The following MAPK8IP3 variants were observed in gnomAD, a reference collection of about 807,000 sequenced individuals.
MAPK8IP3 encodes the protein C-Jun-amino-terminal kinase-interacting protein 3.
A neutral mutation model predicts 157.8 loss-of-function variants in MAPK8IP3; 49 were observed. The ratio of observed to expected loss-of-function variants is 0.31; its 90% CI spans 0.25 to 0.39. The LOEUF (loss-of-function observed/expected upper bound fraction) is 0.39, where lower values mean the gene tolerates loss of function less well. MAPK8IP3 is among the 10% of genes least tolerant of loss of function. MAPK8IP3 has a pLI of 1.00. For missense variants in MAPK8IP3, 1,478 were observed against 1,889.4 expected (o/e 0.78, Z 4.04); for synonymous variants, 897 against 777.7 (o/e 1.15, Z -2.55).
intron 8 of MAPK8IP3, chr16:1,752,163 CT>C (rs1271270598): frequency 6.4e-6 from 1 of 156,210 alleles, no homozygotes; most frequent in Non-Finnish European, 1.4e-5. Context: ...CAGCCACCCC[CT>C]GCAGCACCCA....
chr16:1,761,625 G>A (rs1199513946), intron 13 of MAPK8IP3, among the ~76,000 whole-genome samples: 1 of 138,830 alleles, frequency 7.2e-6, no homozygotes, highest in African/African-American at 2.9e-5. Context: ...TTCACAGGCG[G>A]GGCGGCCACC....
intron 4 of MAPK8IP3, among the ~76,000 whole-genome samples, chr16:1,740,248 CCGTT>C (rs1257974898): frequency 2.1e-5 from 3 of 144,704 alleles, no homozygotes; most frequent in East Asian, 2.1e-4. Flanking sequence ...ATCTGTGTGA[CCGTT>C]CGTGTGAGTG....
At chr16:1,757,050 T>C (rs954723639) in intron 8 of MAPK8IP3, among the ~76,000 whole-genome samples, 4 of 152,190 alleles carry the variant, frequency 2.6e-5, no homozygotes, top group Non-Finnish European at 5.9e-5. Flanking sequence ...GAATTGGGAA[T>C]TGCTTTATTA....
chr16:1,764,688 G>A (rs1401464866), intron 19 of MAPK8IP3, among the ~76,000 whole-genome samples: 1 of 152,122 alleles, frequency 6.6e-6, no homozygotes, highest in Non-Finnish European at 1.5e-5. Context: ...GCCTGCACTG[G>A]GCTGCAGGGG....
rs746848863 is a variant in MAPK8IP3 at position 1,768,698 on chromosome 16, C to T, written c.3893-5C>T. On this transcript the variant is annotated splice_polypyrimidine_tract_variant and splice_region_variant and intron_variant, in intron 31 of 31. Coordinates refer to ENST00000610761, the MANE Select transcript of MAPK8IP3 (RefSeq NM_001318852.2). The stretch of plus-strand genomic sequence containing the variant: ...CTGGCCGTCACTCTGCTGCTTTGCC[C>T]GCAGGAGACGGAGAGGACGACGAGA... The T allele has an allele frequency of 4.2e-5, 68 of 1,611,796 alleles. No homozygotes were observed. The highest frequency in any genetic ancestry group is 5.0e-5 in the Non-Finnish European group (59 of 1,179,394).
chr16:1,763,807 CGGGCGGGGCCCCGCAGAGGCG>C lies in MAPK8IP3; in HGVS notation c.2025+33_2025+53del, dbSNP rs776035587. ...AGGTGCGGGCGGGCGCTGCGGGGAC[CGGGCGGGGCCCCGCAGAGGCG>C]GGGCGGGGGTAAGGGGCGGGGCGCT... On this transcript the variant is annotated intron_variant, in intron 17 of 31. Coordinates refer to ENST00000610761, the MANE Select transcript of MAPK8IP3 (RefSeq NM_001318852.2). 1.9e-4 allele frequency: 182 copies of C among 941,942 alleles called. 1 individual carries two copies. The highest frequency in any genetic ancestry group is 2.4e-4 in the Admixed American group (5 of 21,178). The allele number at this position is 941,942 out of a possible 1,614,324, so 58.3% of individuals were successfully genotyped here.
intron 1 of MAPK8IP3, among the ~76,000 whole-genome samples, chr16:1,718,591 C>A (rs1393418879): frequency 2.0e-5 from 3 of 150,890 alleles, no homozygotes; most frequent in African/African-American, 7.3e-5. Flanking sequence ...GTCAGGAGTT[C>A]AAGAGCAGCC....
intron 3 of MAPK8IP3, 71 bp downstream of exon 3, chr16:1,729,279 G>A (rs1162677138): frequency 4.6e-6 from 7 of 1,538,294 alleles, no homozygotes; most frequent in Non-Finnish European, 6.3e-6. Context: ...TGCGACTCTT[G>A]CGGACCGTGG....
rs1567177226 is a variant in MAPK8IP3 at position 1,742,655 on chromosome 16, G to A, written c.603-677G>A. Among the ~76,000 whole-genome samples the A allele has an allele frequency of 6.6e-6, 1 of 152,206 alleles. No homozygotes were observed. Among genetic ancestry groups the A allele is most frequent in the Non-Finnish European group, 1.5e-5 (1 of 68,038 alleles). On this transcript the variant is annotated intron_variant, in intron 4 of 31. Coordinates refer to ENST00000610761, the MANE Select transcript of MAPK8IP3 (RefSeq NM_001318852.2). The surrounding 1 kb of genome is among the most constrained non-coding windows in gnomAD (Gnocchi z 5.0). The stretch of plus-strand genomic sequence containing the variant: ...GGCTGGATTCCCTCTGCTGGCGCCA[G>A]GGGAACAGGCAGGGCTGGCAGTAAC...
intron 12 of MAPK8IP3, among the ~76,000 whole-genome samples, chr16:1,760,777 C>T (rs2041885983): frequency 6.6e-6 from 1 of 152,240 alleles, no homozygotes; most frequent in Non-Finnish European, 1.5e-5. Context: ...TCCCACCATC[C>T]CACTCCTCCA....
intron 16 of MAPK8IP3, 31 bp downstream of exon 16, chr16:1,763,037 T>C (rs1191287886): frequency 1.9e-6 from 3 of 1,611,012 alleles, no homozygotes; most frequent in Non-Finnish European, 2.5e-6. Flanking sequence ...ACTTGTGGCC[T>C]GCAATGGGGT....
rs762970068 is a variant in MAPK8IP3, at chr16:1,763,672, C to T, written c.1914C>T (p.Ser638=). 16 of 1,579,220 alleles carry T rather than the reference C, an allele frequency of 1.0e-5. No homozygotes were observed. The Middle Eastern group carries it at 5.0e-4, about 49-fold the overall frequency. The change falls in exon 17 of 32, where the codon TCC becomes TCT. Residue 638 remains serine, a synonymous_variant. Transcript: ENST00000610761. ...EFFPDDDCTS[S]ARREQKREQY... Reference sequence around the variant, plus strand: ...TTCCACTCAGCGACTGCACGTCCTCCGCCCGTCGAGAGCAGAAGCGCGAGC... The same window carrying T: ...TTCCACTCAGCGACTGCACGTCCTCTGCCCGTCGAGAGCAGAAGCGCGAGC...
At chr16:1,727,737 G>C (rs1365314472) in intron 2 of MAPK8IP3, among the ~76,000 whole-genome samples, 3 of 152,208 alleles carry the variant, frequency 2.0e-5, no homozygotes, top group African/African-American at 7.2e-5. Context: ...CTCGGGGTGA[G>C]ATCCCCGCGC....
Position 1,767,565 on chromosome 16 carries a change from A to G in MAPK8IP3, c.3239A>G (p.Lys1080Arg). Residue 1080 changes from lysine (K) to arginine (R), a missense_variant and splice_region_variant, in exon 27 of 32, where the codon AAG becomes AGG. This residue lies in a region of MAPK8IP3 where 669 missense variants were observed against 759.8 expected (regional missense o/e 0.88). Coordinates refer to ENST00000610761, the MANE Select transcript of MAPK8IP3 (RefSeq NM_001318852.2). ...VIQPKTMQIEKSFDAHPRRES... is the reference protein window; with the variant it reads ...VIQPKTMQIERSFDAHPRRES... ...TGATGGGCAGCCATGACTCCACAGAAGTCATTTGACGCCCACCCGCGGCGG... is the reference window on the plus strand; with the variant it reads ...TGATGGGCAGCCATGACTCCACAGAGGTCATTTGACGCCCACCCGCGGCGG... The G allele has an allele frequency of 1.9e-6, 3 of 1,611,356 alleles. No individual in the cohort carries two copies. The highest frequency in any genetic ancestry group is 2.5e-6 in the Non-Finnish European group (3 of 1,179,330).
chr16:1,741,097 C>G lies in MAPK8IP3; in HGVS notation c.603-2235C>G, dbSNP rs1343872109. 6.6e-6 allele frequency among the ~76,000 whole-genome samples: 1 copy of G among 152,128 alleles called. No homozygotes were observed. Among genetic ancestry groups the G allele is most frequent in the Admixed American group, 6.5e-5 (1 of 15,282 alleles). ...AGGAAGGGCCCCTCTCTGCATCAGT[C>G]GGACCTGGACTCATAGCCCAGCTCC... On this transcript the variant is annotated intron_variant, in intron 4 of 31. Coordinates refer to ENST00000610761, the MANE Select transcript of MAPK8IP3 (RefSeq NM_001318852.2). This position sits in a 1 kb window ranked among gnomAD's most constrained non-coding sequence, Gnocchi z 6.9.
rs2042502750 is a variant in MAPK8IP3 at position 1,769,794 on chromosome 16, C to T, written c.*970C>T. 6.6e-6 allele frequency: 1 copy of T among 152,634 alleles called. No individual in the cohort carries two copies. Among genetic ancestry groups the T allele is most frequent in the Non-Finnish European group, 1.5e-5 (1 of 68,268 alleles). The allele number at this position is 152,634 out of a possible 1,614,324, so 9.5% of individuals were successfully genotyped here. On this transcript the variant is annotated 3_prime_UTR_variant, in exon 32 of 32. Transcript: ENST00000610761. Reference sequence around the variant, plus strand: ...GGCTCCACGGAGCCCAGCTCCCAGACACGCTACTAAGTGCCTAGGGTTGCC... The same window carrying T: ...GGCTCCACGGAGCCCAGCTCCCAGATACGCTACTAAGTGCCTAGGGTTGCC...
chr16:1,712,356 C>T (rs1022214143), intron 1 of MAPK8IP3, among the ~76,000 whole-genome samples: 81 of 152,170 alleles, frequency 5.3e-4, no homozygotes, highest in African/African-American at 1.9e-3. Flanking sequence ...CCATCGCGCC[C>T]GGCCAGCCTC....
In MAPK8IP3 at chr16:1,746,878, C is replaced by T; in HGVS notation, c.748-151C>T. The T allele has an allele frequency of 4.2e-6, 4 of 953,792 alleles. No homozygotes were observed. The South Asian group carries it at 6.9e-5, about 16-fold the overall frequency. The allele number at this position is 953,792 out of a possible 1,614,324, so 59.1% of individuals were successfully genotyped here. A position where few individuals can be genotyped will look rare whatever the true frequency, so the allele number is the denominator to read the frequency against. On this transcript the variant is annotated intron_variant, in intron 5 of 31. Coordinates refer to ENST00000610761, the MANE Select transcript of MAPK8IP3 (RefSeq NM_001318852.2). ...AGTGGTGAGGCCCGGAAGGGTTAGCCCGGTGGGCGGCAGAGGAGCTCTGGC... is the reference window on the plus strand; with the variant it reads ...AGTGGTGAGGCCCGGAAGGGTTAGCTCGGTGGGCGGCAGAGGAGCTCTGGC...
At position 1,761,273 on chromosome 16, in the gene MAPK8IP3, G is replaced by C; in HGVS notation, c.1507G>C (p.Glu503Gln). The C allele has an allele frequency of 1.2e-6, 2 of 1,613,772 alleles. No homozygotes were observed. The highest frequency in any genetic ancestry group is 1.7e-6 in the Non-Finnish European group (2 of 1,180,028). The change falls in exon 13 of 32, where the codon GAG becomes CAG. Residue 503 changes from glutamate (E) to glutamine (Q), a missense_variant. Physicochemically the swap from Glu to Gln is conservative, Grantham distance 29 (BLOSUM62 2). This residue lies in a region of MAPK8IP3 where 96 missense variants were observed against 106.3 expected (regional missense o/e 0.90). Coordinates refer to ENST00000610761, the MANE Select transcript of MAPK8IP3 (RefSeq NM_001318852.2). ...IARREPKEEA[E>Q]DVSSYLCTES... ...CCGCCGTGAACCCAAAGAAGAGGCG[G>C]AGGATGTAAGCAGCTATCTCTGTAC...
Sources: gnomAD v4.1 joint callset for allele counts (sites outside exome capture counted in the v4.1 genomes callset) on GRCh38, gnomAD v4.1.1 for gene constraint, gnomAD v4.1.1 regional missense constraint, Gnocchi (gnomAD v3.1) non-coding constraint, MANE v1.5 for transcripts, NCBI Gene and HGNC (gene_info 2026-07-23, HGNC 2026-07-21) for gene names.